FUT8: variants seen among roughly 807,000 people sequenced by gnomAD.
FUT8 encodes the protein fucosyltransferase 8.
A neutral mutation model predicts 71.3 loss-of-function variants in FUT8; 29 were observed. The observed-to-expected ratio is 0.41, with a 90% confidence interval of 0.30 to 0.55. The LOEUF (loss-of-function observed/expected upper bound fraction) is 0.55. Among genes scored for constraint, FUT8 ranks in the 20% least tolerant of loss-of-function variants. FUT8 has a pLI of 0.34. For missense variants in FUT8, 544 were observed against 702.1 expected (o/e 0.77, Z 2.55); for synonymous variants, 254 against 239.3 (o/e 1.06, Z -0.57).
At chr14:65,575,527 C>A (rs953081393) in intron 3 of FUT8, among the ~76,000 whole-genome samples, 9 of 151,774 alleles carry the variant, frequency 5.9e-5, no homozygotes, top group Non-Finnish European at 5.9e-5. Context: ...AGTTGGTTAC[C>A]TCTGTTCACT....
intron 7 of FUT8, among the ~76,000 whole-genome samples, chr14:65,709,868 G>A (rs1894730829): frequency 6.6e-6 from 1 of 152,112 alleles, no homozygotes; most frequent in Non-Finnish European, 1.5e-5. Context: ...AATAGGCTTT[G>A]GTTGACAAAC....
At chr14:65,637,783 G>A (rs1890636698) in intron 6 of FUT8, among the ~76,000 whole-genome samples, 1 of 152,104 alleles carries the variant, frequency 6.6e-6, no homozygotes, top group Non-Finnish European at 1.5e-5. Flanking sequence ...GGCCCTGAAA[G>A]CAGGTTGCCA....
At chr14:65,541,445 A>C (rs1020653693) in intron 2 of FUT8, among the ~76,000 whole-genome samples, 6 of 152,190 alleles carry the variant, frequency 3.9e-5, no homozygotes, top group Non-Finnish European at 7.3e-5. Flanking sequence ...TTCAAGGTGG[A>C]AGGCCTTCGG....
chr14:65,477,598 G>T (rs1008794643), intron 2 of FUT8, among the ~76,000 whole-genome samples: 1 of 152,138 alleles, frequency 6.6e-6, no homozygotes, highest in Non-Finnish European at 1.5e-5. Flanking sequence ...AGCTAATCAA[G>T]TGACTACAGC....
At chr14:65,404,253 C>T in the FUT8 span, among the ~76,000 whole-genome samples, 9 of 151,756 alleles carry the variant, frequency 5.9e-5, no homozygotes, top group African/African-American at 2.2e-4. Context: ...CTCACTGCAA[C>T]CTCTGCCTCC....
chr14:65,601,902 C>T (rs1378777139), intron 3 of FUT8, among the ~76,000 whole-genome samples: 2 of 152,004 alleles, frequency 1.3e-5, no homozygotes, highest in Admixed American at 1.3e-4. Context: ...GATATTTTGC[C>T]ATATTTGCTT....
chr14:65,681,899 C>G (rs1893057823), intron 7 of FUT8, among the ~76,000 whole-genome samples: 1 of 152,138 alleles, frequency 6.6e-6, no homozygotes, highest in Non-Finnish European at 1.5e-5. Context: ...ACTTCAAAAC[C>G]TGACCTTTAA....
At chr14:65,727,260 C>T (rs1346932621) in intron 9 of FUT8, among the ~76,000 whole-genome samples, 1 of 152,214 alleles carries the variant, frequency 6.6e-6, no homozygotes, top group Non-Finnish European at 1.5e-5. Flanking sequence ...TGTGGGGGCT[C>T]TGACCCCACA....
chr14:65,614,523 T>C (rs1360346526), intron 3 of FUT8, among the ~76,000 whole-genome samples: 2 of 152,214 alleles, frequency 1.3e-5, no homozygotes, highest in East Asian at 3.8e-4. Context: ...TTCACTGCAC[T>C]GAAACCAAGA....
At chr14:65,395,238 CT>C in the FUT8 span, among the ~76,000 whole-genome samples, 1 of 152,218 alleles carries the variant, frequency 6.6e-6, no homozygotes, top group Non-Finnish European at 1.5e-5. Flanking sequence ...ATGGTACAAG[CT>C]GTTGCTGGAT....
chr14:65,444,672 C>CT (rs1566751404), intron 1 of FUT8, among the ~76,000 whole-genome samples: 1 of 152,128 alleles, frequency 6.6e-6, no homozygotes, highest in Admixed American at 6.5e-5. Context: ...AGACATTATA[C>CT]TTTTTTAAAA....
chr14:65,450,216 G>T (rs1417837676), intron 1 of FUT8, among the ~76,000 whole-genome samples: 1 of 152,056 alleles, frequency 6.6e-6, no homozygotes, highest in Non-Finnish European at 1.5e-5. Context: ...CTTCCTAATG[G>T]TGTGGGTAAA....
intron 2 of FUT8, among the ~76,000 whole-genome samples, chr14:65,486,816 A>G (rs1161598005): frequency 6.6e-6 from 1 of 152,238 alleles, no homozygotes; most frequent in Non-Finnish European, 1.5e-5. Context: ...TCAATTACAT[A>G]GAAGTATATA....
At chr14:65,714,039 T>C (rs1430225680) in intron 7 of FUT8, among the ~76,000 whole-genome samples, 26 of 152,218 alleles carry the variant, frequency 1.7e-4, no homozygotes. Context: ...TTTGATTTGA[T>C]TTGTGTATAT....
chr14:65,540,748 G>A (rs1202444377), intron 2 of FUT8, among the ~76,000 whole-genome samples: 1 of 152,252 alleles, frequency 6.6e-6, no homozygotes, highest in Non-Finnish European at 1.5e-5. Context: ...GTACACAGGA[G>A]CATGTGTTGT....
At chr14:65,723,594 TG>T (rs1895537191) in intron 8 of FUT8, among the ~76,000 whole-genome samples, 1 of 152,250 alleles carries the variant, frequency 6.6e-6, no homozygotes, top group African/African-American at 2.4e-5. Flanking sequence ...AAAGGTTTGC[TG>T]GTCTTAACGG....
At chr14:65,520,261 G>GT (rs1882991322) in intron 2 of FUT8, among the ~76,000 whole-genome samples, 1 of 152,058 alleles carries the variant, frequency 6.6e-6, no homozygotes, top group African/African-American at 2.4e-5. Context: ...AAGTTTTTAA[G>GT]TTTTTTTGTA....
intron 6 of FUT8, among the ~76,000 whole-genome samples, chr14:65,648,114 A>G (rs1377244649): frequency 1.3e-5 from 2 of 152,142 alleles, no homozygotes; most frequent in Non-Finnish European, 2.9e-5. Flanking sequence ...TTGGAGCATA[A>G]CTATGTTCAT....
intron 2 of FUT8, among the ~76,000 whole-genome samples, chr14:65,560,394 G>A (rs1407209688): frequency 6.6e-6 from 1 of 152,046 alleles, no homozygotes; most frequent in Non-Finnish European, 1.5e-5. Context: ...TTGCCAGATT[G>A]GTCTCAAACT....
Sources: allele counts gnomAD v4.1 joint callset (sites outside exome capture counted in the v4.1 genomes callset), GRCh38; gene constraint gnomAD v4.1.1; transcripts MANE v1.5; gene names NCBI Gene and HGNC (gene_info 2026-07-23, HGNC 2026-07-21).